Variants in MARK2 observed in about 807,000 individuals in gnomAD.
The protein encoded by MARK2 is serine/threonine-protein kinase MARK2.
In MARK2, 16 loss-of-function variants were observed where a neutral mutation model predicts 89.8. The ratio of observed to expected loss-of-function variants is 0.18; its 90% CI spans 0.12 to 0.27. The LOEUF is 0.27. Among genes scored for constraint, MARK2 ranks in the 10% least tolerant of loss-of-function variants. The pLI is 1.00. For synonymous variants in MARK2, 382 were observed against 399.5 expected, an observed-to-expected ratio of 0.96 and a Z score of 0.52; for missense variants, 621 against 1,049.9, an observed-to-expected ratio of 0.59 and a Z score of 5.65.
At chr11:63,871,140 G>A (rs1220227590) in intron 1 of MARK2, among the ~76,000 whole-genome samples, 3 of 152,138 alleles carry the variant, frequency 2.0e-5, no homozygotes, top group Admixed American at 6.5e-5. Flanking sequence ...GTGTACGTGC[G>A]TGCATACAGA....
At chr11:63,848,696 G>A (rs1233765824) in intron 1 of MARK2, among the ~76,000 whole-genome samples, 8 of 151,362 alleles carry the variant, frequency 5.3e-5, no homozygotes, top group African/African-American at 1.7e-4. Flanking sequence ...GACTTCAGGC[G>A]CCCACCACCA....
intron 1 of MARK2, among the ~76,000 whole-genome samples, chr11:63,892,665 T>G (rs1465575338): frequency 6.6e-6 from 1 of 151,346 alleles, no homozygotes; most frequent in East Asian, 2.0e-4. Context: ...GAGCGATCGC[T>G]CCAGATGTTC....
chr11:63,870,631 G>A (rs1471244226), intron 1 of MARK2, among the ~76,000 whole-genome samples: 2 of 152,222 alleles, frequency 1.3e-5, no homozygotes, highest in Admixed American at 6.5e-5. Flanking sequence ...CTCAGTCTGT[G>A]TAATAGTGAA....
intron 1 of MARK2, among the ~76,000 whole-genome samples, chr11:63,883,530 T>A (rs1010161886): frequency 6.6e-6 from 1 of 151,992 alleles, no homozygotes; most frequent in African/African-American, 2.4e-5. Context: ...GAATACATCA[T>A]CAAGACATTA....
chr11:63,861,702 A>G (rs1937791865), intron 1 of MARK2, among the ~76,000 whole-genome samples: 1 of 149,868 alleles, frequency 6.7e-6, no homozygotes, highest in South Asian at 2.1e-4. Context: ...TGTCGCAAGC[A>G]CTTGTTTAGT....
Position 63,904,215 on chromosome 11 carries a change from T to G in MARK2, c.1676+68T>G, listed in dbSNP as rs1462714875. The G allele has an allele frequency of 1.8e-5, 25 of 1,373,588 alleles. No individual in the cohort carries two copies. The highest frequency in any genetic ancestry group is 2.1e-5 in the Non-Finnish European group (22 of 1,032,110). The allele number at this position is 1,373,588 out of a possible 1,614,324, so 85.1% of individuals were successfully genotyped here. A position where few individuals can be genotyped will look rare whatever the true frequency, so the allele number is the denominator to read the frequency against. On this transcript the variant is annotated intron_variant, in intron 15 of 18. Coordinates refer to ENST00000402010, the MANE Select transcript of MARK2 (RefSeq NM_001039469.3). The surrounding 1 kb of genome is among the most constrained non-coding windows in gnomAD (Gnocchi z 6.3). Reference sequence around the variant, plus strand: ...CACCCTACCCCCTTGCCCCAACAATTTCTTCTTCCCACTTGGGGGTCCTGC... The same window carrying G: ...CACCCTACCCCCTTGCCCCAACAATGTCTTCTTCCCACTTGGGGGTCCTGC...
rs1287205159 is a variant in MARK2, at chr11:63,874,039, G to A, written c.55-21120G>A. ...CACAGAGCCAGGGGTCAGCTTTTGT[G>A]CCATAGCCTTATAGCTTCTGTGGCC... On this transcript the variant is annotated intron_variant, in intron 1 of 18. Coordinates refer to ENST00000402010, the MANE Select transcript of MARK2 (RefSeq NM_001039469.3). 2.0e-5 allele frequency among the ~76,000 whole-genome samples: 3 copies of A among 152,258 alleles called. 1 individual carries two copies. Among genetic ancestry groups the A allele is most frequent in the East Asian group, 3.8e-4 (2 of 5,202 alleles).
At chr11:63,889,114 G>A in intron 1 of MARK2, 2 of 526,642 alleles carry the variant, frequency 3.8e-6, no homozygotes, top group Non-Finnish European at 6.6e-6. Context: ...ATGTGGAAGA[G>A]GCATTGACTA....
At chr11:63,884,205 A>C (rs1212286176) in intron 1 of MARK2, among the ~76,000 whole-genome samples, 2 of 152,236 alleles carry the variant, frequency 1.3e-5, no homozygotes, top group East Asian at 3.9e-4. Flanking sequence ...GCAGATTCTC[A>C]GGGATGAAAG....
intron 1 of MARK2, chr11:63,888,587 T>C: frequency 9.6e-7 from 1 of 1,044,718 alleles, no homozygotes; most frequent in Non-Finnish European, 1.2e-6. Flanking sequence ...CCTCCCACCT[T>C]GCTTCTGGTG....
intron 1 of MARK2, among the ~76,000 whole-genome samples, chr11:63,879,767 G>A (rs1938981123): frequency 6.6e-6 from 1 of 152,116 alleles, no homozygotes; most frequent in South Asian, 2.1e-4. Context: ...CCTTGGGGTG[G>A]TTTCTGATGT....
chr11:63,883,053 C>T (rs1178396817), intron 1 of MARK2, among the ~76,000 whole-genome samples: 2 of 152,164 alleles, frequency 1.3e-5, no homozygotes, highest in African/African-American at 2.4e-5. Flanking sequence ...TCCATGGTTA[C>T]GGTAACCCAC....
chr11:63,860,150 C>A (rs1442788449), intron 1 of MARK2, among the ~76,000 whole-genome samples: 1 of 152,144 alleles, frequency 6.6e-6, no homozygotes, highest in Non-Finnish European at 1.5e-5. Flanking sequence ...TATACTCATT[C>A]TCCAATTTCC....
chr11:63,898,721 TC>T (rs765010875), intron 5 of MARK2, 41 bp from the exon 6 acceptor site: 2 of 1,610,818 alleles, frequency 1.2e-6, no homozygotes, highest in East Asian at 4.5e-5. Flanking sequence ...TTCTTCCACC[TC>T]CAGCCAGCTC....
At position 63,852,673 on chromosome 11, in the gene MARK2, TA is replaced by T. The variant is rs550449276; in HGVS notation, c.54+13128del. ...TCTGGGCAGAACTGTAAATAAGAAC[TA>T]AAAAAAAAAAAAAAGAAAAGAAATG... On this transcript the variant is annotated intron_variant, in intron 1 of 18. Coordinates refer to ENST00000402010, the MANE Select transcript of MARK2 (RefSeq NM_001039469.3). 3.2e-3 allele frequency among the ~76,000 whole-genome samples: 331 copies of T among 102,462 alleles called. 1 individual carries two copies. Among genetic ancestry groups the T allele is most frequent in the Middle Eastern group, 0.01 (2 of 196 alleles). 67.2% of individuals were successfully genotyped at this position (102,462 alleles called of 152,430 possible). A position where few individuals can be genotyped will look rare whatever the true frequency, so the allele number is the denominator to read the frequency against.
Position 63,900,380 on chromosome 11 carries a change from G to A in MARK2, c.769-179G>A, listed in dbSNP as rs577780865. On this transcript the variant is annotated intron_variant, in intron 8 of 18. Coordinates refer to ENST00000402010, the MANE Select transcript of MARK2 (RefSeq NM_001039469.3). This position sits in a 1 kb window ranked among gnomAD's most constrained non-coding sequence, Gnocchi z 4.7. ...TCGGACTGGTCAAGTTAGAGGGTAC[G>A]AGGGTATTTGACTTCACTTGCCTCT... 7.9e-5 allele frequency among the ~76,000 whole-genome samples: 12 copies of A among 152,304 alleles called. No individual in the cohort carries two copies. The South Asian group carries it at 1.2e-3, about 16-fold the overall frequency.
intron 17 of MARK2, 39 bp downstream of exon 17, chr11:63,906,153 G>C (rs1303659118): frequency 1.6e-6 from 2 of 1,287,712 alleles, no homozygotes; most frequent in Non-Finnish European, 9.9e-7. Context: ...GTGTGTGTGT[G>C]TGTCTGTGTC....
In MARK2 at chr11:63,908,978, G is replaced by C. The variant is rs1941573435; in HGVS notation, c.2108G>C (p.Ser703Thr). ...LRFTWSMKTTSSMEPNEMMRE... is the reference protein window; with the variant it reads ...LRFTWSMKTTTSMEPNEMMRE... ...TTCACGTGGAGTATGAAGACCACGA[G>C]CTCCATGGAGCCCAACGAGATGATG... Residue 703 changes from serine to threonine, a missense_variant, in exon 19 of 19, where the codon AGC becomes ACC. Ser to Thr is a moderately conservative substitution (Grantham distance 58). Coordinates refer to ENST00000402010, the MANE Select transcript of MARK2 (RefSeq NM_001039469.3). 1 of 1,569,256 alleles carries C rather than the reference G, an allele frequency of 6.4e-7. No individual in the cohort carries two copies. Among genetic ancestry groups the C allele is most frequent in the African/African-American group, 1.4e-5 (1 of 74,020 alleles).
intron 2 of MARK2, 115 bp downstream of exon 2, chr11:63,895,453 C>T (rs1172673163): frequency 1.6e-5 from 23 of 1,428,842 alleles, no homozygotes; most frequent in Non-Finnish European, 2.2e-5. Context: ...GAAATGAGAT[C>T]TGAGATATAG....
Sources: allele counts gnomAD v4.1 joint callset (sites outside exome capture counted in the v4.1 genomes callset), GRCh38; gene constraint gnomAD v4.1.1; non-coding constraint Gnocchi (gnomAD v3.1); transcripts MANE v1.5; gene names NCBI Gene and HGNC (gene_info 2026-07-23, HGNC 2026-07-21).